Variants in GABRA6 observed in about 807,000 individuals in gnomAD.
GABRA6 encodes gamma-aminobutyric acid type A receptor subunit alpha6.
A neutral mutation model predicts 47.3 loss-of-function variants in GABRA6; 45 were observed. That is an observed-to-expected ratio of 0.95 (90% CI 0.75 to 1.22). The LOEUF (loss-of-function observed/expected upper bound fraction) is 1.22, where lower values mean the gene tolerates loss of function less well. GABRA6 is among the 50% of genes most tolerant of loss of function. The probability of loss-of-function intolerance (pLI) is 0.00; values close to 1 mark genes in which losing one functional copy is unlikely to be tolerated. For synonymous variants in GABRA6, 219 were observed against 194.7 expected, an observed-to-expected ratio of 1.12 and a Z score of -1.04; for missense variants, 583 against 549.3, an observed-to-expected ratio of 1.06 and a Z score of -0.61.
chr5:161,688,965 T>C lies in GABRA6; in HGVS notation c.242T>C (p.Val81Ala). The C allele has an allele frequency of 6.2e-7, 1 of 1,612,524 alleles. No individual in the cohort carries two copies. Among genetic ancestry groups the C allele is most frequent in the Admixed American group, 1.7e-5 (1 of 60,006 alleles). Residue 81 changes from valine (V) to alanine (A), a missense_variant, in exon 4 of 9, where the codon GTT (valine) becomes GCT (alanine). Physicochemically the swap from Val to Ala is moderately conservative, Grantham distance 64. Coordinates refer to ENST00000274545, the MANE Select transcript of GABRA6 (RefSeq NM_000811.3). The part of the protein sequence containing the change: ...SDVEMEYTMD[V>A]FFRQTWTDER... The stretch of plus-strand genomic sequence containing the variant: ...TTCTCTTAGGAGTATACGATGGATG[T>C]TTTTTTCCGCCAGACCTGGACTGAT...
At chr5:161,687,456 A>G (rs1473822889) in intron 3 of GABRA6, 1 of 447,300 alleles carries the variant, frequency 2.2e-6, no homozygotes, top group Non-Finnish European at 4.5e-6. Context: ...GGTCATTTGG[A>G]AAGGCTGATG....
intron 8 of GABRA6, 42 bp from the exon 9 acceptor site, chr5:161,701,456 C>G (rs376190825): frequency 3.8e-6 from 6 of 1,594,582 alleles, no homozygotes; most frequent in Non-Finnish European, 5.2e-6. Flanking sequence ...TAAGCAATAT[C>G]TATTCTTTCA....
chr5:161,686,801 C>T (rs1754709105), intron 2 of GABRA6, 135 bp from the exon 3 acceptor site: 3 of 757,738 alleles, frequency 4.0e-6, no homozygotes, highest in Non-Finnish European at 7.1e-6. Context: ...ACCCAAGGAT[C>T]CCCACTACTG....
chr5:161,691,791 T>A (rs1459413378), intron 7 of GABRA6, 150 bp from the exon 8 acceptor site: 1 of 693,492 alleles, frequency 1.4e-6, no homozygotes, highest in Non-Finnish European at 2.5e-6. Flanking sequence ...CTTATGATAA[T>A]AATTATGAAC....
intron 5 of GABRA6, 53 bp downstream of exon 5, chr5:161,689,389 T>TA: frequency 1.4e-6 from 2 of 1,457,086 alleles, no homozygotes; most frequent in Non-Finnish European, 1.9e-6. Flanking sequence ...AATATATAAT[T>TA]ACTTGGTTTT....
At chr5:161,697,520 G>A (rs1754904809) in intron 8 of GABRA6, among the ~76,000 whole-genome samples, 1 of 152,164 alleles carries the variant, frequency 6.6e-6, no homozygotes, top group African/African-American at 2.4e-5. Context: ...CTCCCGGGCA[G>A]TGGGACACTT....
Position 161,686,936 on chromosome 5 carries a change from G to A in GABRA6, c.158G>A (p.Gly53Asp), listed in dbSNP as rs1371435729. Reference protein sequence around the residue: ...YDNRLRPGFGGAVTEVKTDIY... With the variant: ...YDNRLRPGFGDAVTEVKTDIY... ...TTTCATCCCTCTGGGCTAATTTCAG[G>A]TGCTGTCACTGAAGTCAAAACAGAC... The change falls in exon 3 of 9, where the codon GGT becomes GAT. Residue 53 changes from glycine (G) to aspartate (D), a missense_variant and splice_region_variant. Transcript: ENST00000274545. 1 of 1,613,804 alleles carries A rather than the reference G, an allele frequency of 6.2e-7. No homozygotes were observed. The highest frequency in any genetic ancestry group is 8.5e-7 in the Non-Finnish European group (1 of 1,179,758).
intron 7 of GABRA6, among the ~76,000 whole-genome samples, chr5:161,690,611 C>T (rs1754774009): frequency 6.6e-6 from 1 of 152,074 alleles, no homozygotes; most frequent in Admixed American, 6.6e-5. Flanking sequence ...AGTGCTTTAT[C>T]TTGATTTTCT....
chr5:161,692,060 T>C lies in GABRA6; in HGVS notation c.946T>C (p.Ser316Pro), dbSNP rs1754801517. 2 of 1,614,226 alleles carry C rather than the reference T, an allele frequency of 1.2e-6. No homozygotes were observed. Among genetic ancestry groups the C allele is most frequent in the Non-Finnish European group, 1.7e-6 (2 of 1,180,036 alleles). Reference protein sequence around the residue: ...FIAVCFAFVFSALIEFAAVNY... With the variant: ...FIAVCFAFVFPALIEFAAVNY... Reference sequence around the variant, plus strand: ...AGCTGTTTGCTTTGCATTCGTCTTCTCTGCGCTTATCGAGTTCGCAGCTGT... The same window carrying C: ...AGCTGTTTGCTTTGCATTCGTCTTCCCTGCGCTTATCGAGTTCGCAGCTGT... The change falls in exon 8 of 9, where the codon TCT (serine) becomes CCT (proline). Residue 316 changes from serine to proline, a missense_variant. Ser to Pro is a moderately conservative substitution (Grantham distance 74). Coordinates refer to ENST00000274545, the MANE Select transcript of GABRA6 (RefSeq NM_000811.3).
chr5:161,695,431 T>C lies in GABRA6; in HGVS notation c.1086+3231T>C, dbSNP rs138527411. 5.4e-3 allele frequency among the ~76,000 whole-genome samples: 822 copies of C among 152,222 alleles called. 7 individuals are homozygous for C. The highest frequency in any genetic ancestry group is 0.018 in the African/African-American group (734 of 41,538). ...CCGCTTATATGGTGATTTTTTCTTA[T>C]TGTTTTTATCTAGCATGCTACCTTA... On this transcript the variant is annotated intron_variant, in intron 8 of 8. Transcript: ENST00000274545.
At chr5:161,695,724 T>C (rs919081244) in intron 8 of GABRA6, among the ~76,000 whole-genome samples, 5 of 152,212 alleles carry the variant, frequency 3.3e-5, no homozygotes, top group Non-Finnish European at 7.3e-5. Context: ...ATGCCTTTTG[T>C]AAATTATATA....
Position 161,686,339 on chromosome 5 carries a change from G to A in GABRA6, c.148G>A (p.Gly50Arg). 6.2e-7 allele frequency: 1 copy of A among 1,612,502 alleles called. No homozygotes were observed. The highest frequency in any genetic ancestry group is 8.5e-7 in the Non-Finnish European group (1 of 1,178,520). Residue 50 changes from glycine (G) to arginine (R), a missense_variant, in exon 2 of 9, where the codon GGA (glycine) becomes AGA (arginine). By Grantham distance (125) the Gly-to-Arg change is moderately radical (BLOSUM62 -2). Coordinates refer to ENST00000274545, the MANE Select transcript of GABRA6 (RefSeq NM_000811.3). Reference protein sequence around the residue: ...LEGYDNRLRPGFGGAVTEVKT... With the variant: ...LEGYDNRLRPRFGGAVTEVKT... ...AGGCTATGACAATCGGCTGCGGCCG[G>A]GATTTGGAGGTAAGAAGCTGCATCT...
intron 7 of GABRA6, among the ~76,000 whole-genome samples, chr5:161,691,184 C>T (rs1267193685): frequency 6.6e-6 from 1 of 151,068 alleles, no homozygotes; most frequent in Non-Finnish European, 1.5e-5. Context: ...ATTAGGTAAC[C>T]TAATTTTATG....
In GABRA6 at chr5:161,688,991, G is replaced by A. The variant is rs1489529981; in HGVS notation, c.268G>A (p.Glu90Lys). ...TTTTTTCCGCCAGACCTGGACTGAT[G>A]AGAGGTTGAAGTTTGGGGGGCCAAC... ...DVFFRQTWTD[E>K]RLKFGGPTEI... The change falls in exon 4 of 9, where the codon GAG (glutamate) becomes AAG (lysine). Residue 90 changes from glutamate to lysine, a missense_variant. Coordinates refer to ENST00000274545, the MANE Select transcript of GABRA6 (RefSeq NM_000811.3). The A allele has an allele frequency of 6.2e-7, 1 of 1,614,020 alleles. No individual in the cohort carries two copies. Among genetic ancestry groups the A allele is most frequent in the East Asian group, 2.2e-5 (1 of 44,872 alleles).
At chr5:161,694,838 T>TA (rs1754860971) in intron 8 of GABRA6, among the ~76,000 whole-genome samples, 1 of 152,086 alleles carries the variant, frequency 6.6e-6, no homozygotes, top group Non-Finnish European at 1.5e-5. Context: ...TAAATATAGG[T>TA]GATTACATAG....
rs570355345 is a variant in GABRA6 at position 161,701,116 on chromosome 5, C to T, written c.1087-382C>T. ...CCAAATTGGAATTCACCCCTCCTCC[C>T]AATACACACTATTGCCCAAACCCAT... On this transcript the variant is annotated intron_variant, in intron 8 of 8. Transcript: ENST00000274545. 1.5e-3 allele frequency among the ~76,000 whole-genome samples: 221 copies of T among 152,254 alleles called. 1 individual carries two copies. The highest frequency in any genetic ancestry group is 8.7e-4 in the Non-Finnish European group (59 of 68,014).
intron 8 of GABRA6, among the ~76,000 whole-genome samples, chr5:161,693,676 G>A (rs911651507): frequency 6.6e-6 from 1 of 151,896 alleles, no homozygotes; most frequent in Non-Finnish European, 1.5e-5. Flanking sequence ...AAATTGCTCT[G>A]TGGTGGTGGC....
rs1754808558 is a variant in GABRA6 at position 161,692,306 on chromosome 5, T to A, written c.1086+106T>A. On this transcript the variant is annotated intron_variant, in intron 8 of 8. Coordinates refer to ENST00000274545, the MANE Select transcript of GABRA6 (RefSeq NM_000811.3). ...AAAGTAATGTGAGTTGAGCACAGGT[T>A]ATATAACTGTAGTTTCAAGAGCAAG... is the stretch of plus-strand genomic sequence containing the variant. 2.2e-6 allele frequency: 3 copies of A among 1,347,466 alleles called. No individual in the cohort carries two copies. The East Asian group carries it at 6.9e-5, about 31-fold the overall frequency. The allele number at this position is 1,347,466 out of a possible 1,614,324, so 83.5% of individuals were successfully genotyped here.
At chr5:161,687,044 G>A in intron 3 of GABRA6, 41 bp downstream of exon 3, 1 of 1,517,990 alleles carries the variant, frequency 6.6e-7, no homozygotes, top group Non-Finnish European at 9.2e-7. Flanking sequence ...TCATTTCGGG[G>A]AGGAGAGTGG....
Sources: allele counts gnomAD v4.1 joint callset (sites outside exome capture counted in the v4.1 genomes callset), GRCh38; gene constraint gnomAD v4.1.1; transcripts MANE v1.5; gene names NCBI Gene and HGNC (gene_info 2026-07-23, HGNC 2026-07-21).